Variants in NLRP1 observed in about 807,000 individuals in gnomAD.
The protein encoded by NLRP1 is NACHT, LRR and PYD domains-containing protein 1.
NLRP1 carries 94 observed loss-of-function variants against 136.7 expected under a neutral mutation model. The ratio of observed to expected loss-of-function variants is 0.69; its 90% CI spans 0.58 to 0.82. NLRP1 has a LOEUF of 0.82. Among genes scored for constraint, NLRP1 ranks in the 40% least tolerant of loss-of-function variants. NLRP1 has a pLI of 0.00. For synonymous variants in NLRP1, 690 were observed against 725.1 expected (o/e 0.95, Z 0.78); for missense variants, 1,575 against 1,802.7 (o/e 0.87, Z 2.29).
At chr17:5,527,031 C>G (rs11654528) in intron 12 of NLRP1, among the ~76,000 whole-genome samples, 7,440 of 152,302 alleles carry the variant, frequency 0.049, 211 homozygotes, top group Middle Eastern at 0.092. Flanking sequence ...AGCTGCAGCC[C>G]AGACAGCAGG....
rs375135349 is a variant in NLRP1 at position 5,558,570 on chromosome 17, A to C, written c.2126T>G (p.Leu709Arg). 4 of 1,613,942 alleles carry C rather than the reference A, an allele frequency of 2.5e-6. No individual in the cohort carries two copies. In the East Asian group the frequency reaches 8.9e-5, roughly 36 times the overall value. The change falls in exon 4 of 17, where the codon CTG (leucine) becomes CGG (arginine). Residue 709 changes from leucine to arginine, a missense_variant. By Grantham distance (102) the Leu-to-Arg change is moderately radical. Coordinates refer to ENST00000572272, the MANE Select transcript of NLRP1 (RefSeq NM_033004.4). ...CTCCAGAGAGTGTGGCTGCAGCAGCAGCTGCAGGGACGGGACCCACTGCAT... is the reference window on the plus strand; with the variant it reads ...CTCCAGAGAGTGTGGCTGCAGCAGCCGCTGCAGGGACGGGACCCACTGCAT... Reference protein sequence around the residue: ...NLMQWVPSLQLLLQPHSLESL... With the variant: ...NLMQWVPSLQRLLQPHSLESL...
chr17:5,558,270 T>C (rs71368572), intron 4 of NLRP1, 69 bp downstream of exon 4: 75,013 of 1,503,796 alleles, frequency 0.05, 2,198 homozygotes, highest in African/African-American at 0.11. Flanking sequence ...AGCATGCCTC[T>C]GGTGCTCAGG....
intron 12 of NLRP1, 36 bp from the exon 13 acceptor site, chr17:5,521,822 TTTTA>T (rs1203044898): frequency 1.8e-5 from 28 of 1,532,492 alleles, no homozygotes; most frequent in Admixed American, 4.3e-5. Flanking sequence ...ACAGGTTTAT[TTTTA>T]TTTATTTATT....
In NLRP1 at chr17:5,539,581, C is replaced by A. The variant is rs779999981; in HGVS notation, c.2704G>T (p.Val902Phe). 6.2e-7 allele frequency: 1 copy of A among 1,608,908 alleles called. No homozygotes were observed. Among genetic ancestry groups the A allele is most frequent in the African/African-American group, 1.3e-5 (1 of 74,896 alleles). The change falls in exon 7 of 17, where the codon GTC becomes TTC. Residue 902 changes from valine (V) to phenylalanine (F), a missense_variant. Transcript: ENST00000572272. ...PSCKLQRLQL[V>F]SCGLTSDCCQ... ...CAGTCAGACGTGAGGCCACAGCTGA[C>A]CAGCCTGCAGGAAAGATACACGCCA... is the stretch of plus-strand genomic sequence containing the variant.
downstream of NLRP1, among the ~76,000 whole-genome samples, chr17:5,510,519 C>T (rs538437605): frequency 3.3e-5 from 5 of 151,856 alleles, no homozygotes; most frequent in Non-Finnish European, 5.9e-5. Flanking sequence ...GCCATCATGC[C>T]CAGCTAATTT....
intron 12 of NLRP1, among the ~76,000 whole-genome samples, chr17:5,524,663 T>C (rs116513188): frequency 6.6e-6 from 1 of 152,282 alleles, no homozygotes; most frequent in African/African-American, 2.4e-5. Flanking sequence ...CACATGTCAG[T>C]TGAGGGAGCT....
At chr17:5,566,019 T>C (rs1258376650) in intron 3 of NLRP1, among the ~76,000 whole-genome samples, 1 of 152,222 alleles carries the variant, frequency 6.6e-6, no homozygotes, top group Non-Finnish European at 1.5e-5. Flanking sequence ...CAGTATCAGC[T>C]GAAATGTTTC....
chr17:5,542,734 C>CTCCT (rs1246321354), intron 5 of NLRP1, among the ~76,000 whole-genome samples: 38 of 132,522 alleles, frequency 2.9e-4, no homozygotes, highest in East Asian at 2.0e-3. Context: ...CTCCCTCCCT[C>CTCCT]TCCTTCCTTC....
At position 5,558,763 on chromosome 17, in the gene NLRP1, T is replaced by C. The variant is rs1597458997; in HGVS notation, c.1933A>G (p.Lys645Glu). ...AAATCTATGATGCAATTAGAATGTTTACCTCTCCCCTTCTCATCCTCCAAG... is the reference window on the plus strand; with the variant it reads ...AAATCTATGATGCAATTAGAATGTTCACCTCTCCCCTTCTCATCCTCCAAG... Reference protein sequence around the residue: ...YVLEDEKGRGKHSNCIIDLEK... With the variant: ...YVLEDEKGRGEHSNCIIDLEK... The change falls in exon 4 of 17, where the codon AAA becomes GAA. Residue 645 changes from lysine to glutamate, a missense_variant. Physicochemically the swap from Lys to Glu is moderately conservative, Grantham distance 56. Coordinates refer to ENST00000572272, the MANE Select transcript of NLRP1 (RefSeq NM_033004.4). 6.2e-7 allele frequency: 1 copy of C among 1,614,182 alleles called. No individual in the cohort carries two copies. The highest frequency in any genetic ancestry group is 8.5e-7 in the Non-Finnish European group (1 of 1,180,022).
In NLRP1 at chr17:5,559,971, G is replaced by T. The variant is rs1173780449; in HGVS notation, c.725C>A (p.Pro242Gln). 1.9e-5 allele frequency: 30 copies of T among 1,612,928 alleles called. No individual in the cohort carries two copies. Among genetic ancestry groups the T allele is most frequent in the Non-Finnish European group, 2.5e-5 (29 of 1,179,430 alleles). The change falls in exon 4 of 17, where the codon CCA (proline) becomes CAA (glutamine). Residue 242 changes from proline (P) to glutamine (Q), a missense_variant. Pro to Gln is a moderately conservative substitution (Grantham distance 76, BLOSUM62 -1). Coordinates refer to ENST00000572272, the MANE Select transcript of NLRP1 (RefSeq NM_033004.4). Reference sequence around the variant, plus strand: ...GGGCTGTAGGCTGGTGTGCGCCTGTGGGGGCGTTCCTACCACCGCTGCCCA... The same window carrying T: ...GGGCTGTAGGCTGGTGTGCGCCTGTTGGGGCGTTCCTACCACCGCTGCCCA... ...PPWAAVVGTP[P>Q]QAHTSLQPHH... is the part of the protein sequence containing the mutation.
intron 11 of NLRP1, among the ~76,000 whole-genome samples, chr17:5,531,439 G>C (rs1484865927): frequency 5.3e-5 from 8 of 152,148 alleles, no homozygotes; most frequent in Non-Finnish European, 1.2e-4. Context: ...GGCTGGCCTT[G>C]AACTCCTGGA....
At chr17:5,533,527 G>C (rs1910595185) in intron 9 of NLRP1, 143 bp from the exon 10 acceptor site, 1 of 501,368 alleles carries the variant, frequency 2.0e-6, no homozygotes, top group South Asian at 2.1e-5. Flanking sequence ...CTGCACTCCA[G>C]CCTGAACACT....
At position 5,583,557 on chromosome 17, in the gene NLRP1, A is replaced by T; in HGVS notation, c.271+130T>A. 1.0e-6 allele frequency: 1 copy of T among 959,830 alleles called. No homozygotes were observed. The highest frequency in any genetic ancestry group is 1.5e-6 in the Non-Finnish European group (1 of 661,186). The allele number at this position is 959,830 out of a possible 1,614,324, so 59.5% of individuals were successfully genotyped here. A position where few individuals can be genotyped will look rare whatever the true frequency, so the allele number is the denominator to read the frequency against. On this transcript the variant is annotated intron_variant, in intron 1 of 16. Transcript: ENST00000572272. The surrounding 1 kb of genome is among the most constrained non-coding windows in gnomAD (Gnocchi z 4.5). The stretch of plus-strand genomic sequence containing the variant: ...TCTGGGGCCTGGATCCCCCTTTGAG[A>T]GGGCAGTTCCATGTCACTGCTCAGA...
rs771066401 is a variant in NLRP1, at chr17:5,581,984, G to A, written c.527C>T (p.Ala176Val). 3.1e-6 allele frequency: 5 copies of A among 1,613,784 alleles called. No individual in the cohort carries two copies. The highest frequency in any genetic ancestry group is 4.2e-6 in the Non-Finnish European group (5 of 1,179,848). ...HESPSQESPNAPTSTAVLGSW... is the reference protein window; with the variant it reads ...HESPSQESPNVPTSTAVLGSW... Reference sequence around the variant, plus strand: ...CCCCAGCACTGCTGTGGATGTGGGGGCGTTGGGTGACTCCTGGCTTGGAGA... The same window carrying A: ...CCCCAGCACTGCTGTGGATGTGGGGACGTTGGGTGACTCCTGGCTTGGAGA... Residue 176 changes from alanine (A) to valine (V), a missense_variant, in exon 3 of 17, where the codon GCC (alanine) becomes GTC (valine). By Grantham distance (64) the Ala-to-Val change is moderately conservative. Coordinates refer to ENST00000572272, the MANE Select transcript of NLRP1 (RefSeq NM_033004.4).
At position 5,559,704 on chromosome 17, in the gene NLRP1, A is replaced by G. The variant is rs1265214361; in HGVS notation, c.992T>C (p.Ile331Thr). The G allele has an allele frequency of 2.0e-5, 33 of 1,614,258 alleles. No individual in the cohort carries two copies. The highest frequency in any genetic ancestry group is 2.8e-5 in the Non-Finnish European group (33 of 1,180,036). ...GLDTQEPRIV[I>T]LQGAAGIGKS... is the part of the protein sequence containing the mutation. ...CCCAATTCCAGCAGCCCCCTGCAGT[A>G]TGACTATGCGAGGTTCTTGGGTATC... The change falls in exon 4 of 17, where the codon ATA becomes ACA. Residue 331 changes from isoleucine to threonine, a missense_variant. Ile to Thr is a moderately conservative substitution (Grantham distance 89). Coordinates refer to ENST00000572272, the MANE Select transcript of NLRP1 (RefSeq NM_033004.4).
At position 5,533,925 on chromosome 17, in the gene NLRP1, G is replaced by T. The variant is rs1910690338; in HGVS notation, c.3024C>A (p.Ser1008=). The stretch of plus-strand genomic sequence containing the variant: ...ATCCGAGTCTCTGCCGCTTGAGTGA[G>T]GATGTGCTATTACTCATCTCTCCCG... ...LDTGEMSNST[S]SLKRQRLGSE... Residue 1008 remains serine, a synonymous_variant, in exon 9 of 17, where the codon TCC becomes TCA. Coordinates refer to ENST00000572272, the MANE Select transcript of NLRP1 (RefSeq NM_033004.4). 1 of 1,612,696 alleles carries T rather than the reference G, an allele frequency of 6.2e-7. No homozygotes were observed. The highest frequency in any genetic ancestry group is 1.7e-5 in the Admixed American group (1 of 59,926).
At chr17:5,509,195 C>T (rs891175512), downstream of NLRP1, among the ~76,000 whole-genome samples, 1 of 152,242 alleles carries the variant, frequency 6.6e-6, no homozygotes, top group Non-Finnish European at 1.5e-5. Flanking sequence ...TCCTGTCTAG[C>T]CTTTCCTCTT....
At chr17:5,554,124 T>C (rs1913736430) in intron 4 of NLRP1, among the ~76,000 whole-genome samples, 1 of 151,990 alleles carries the variant, frequency 6.6e-6, no homozygotes, top group Non-Finnish European at 1.5e-5. Context: ...CTGTATATGA[T>C]CATATGCACT....
At chr17:5,519,025 C>T (rs960932127) in intron 14 of NLRP1, among the ~76,000 whole-genome samples, 12 of 146,618 alleles carry the variant, frequency 8.2e-5, no homozygotes, top group East Asian at 2.0e-4. Flanking sequence ...TTTTTTGAGA[C>T]GGAGTCTCGC....
Sources: gnomAD v4.1 joint callset for allele counts (sites outside exome capture counted in the v4.1 genomes callset) on GRCh38, gnomAD v4.1.1 for gene constraint, Gnocchi (gnomAD v3.1) non-coding constraint, MANE v1.5 for transcripts, NCBI Gene and HGNC (gene_info 2026-07-23, HGNC 2026-07-21) for gene names.